The following NAV2 variants were observed in gnomAD, a reference collection of about 807,000 sequenced individuals.
NAV2 encodes the protein neuron navigator 2.
Under a neutral mutation model 223.2 loss-of-function variants are expected in NAV2, and 54 were observed. The observed-to-expected ratio is 0.24, with a 90% CI of 0.19 to 0.30. NAV2 has a LOEUF of 0.30. Among genes scored for constraint, NAV2 ranks in the 10% least tolerant of loss-of-function variants. The probability of loss-of-function intolerance (pLI) is 1.00; values close to 1 mark genes in which losing one functional copy is unlikely to be tolerated. For missense variants in NAV2, 2,806 were observed against 3,147.5 expected (o/e 0.89, Z 2.60); for synonymous variants, 1,279 against 1,239.3 (o/e 1.03, Z -0.67).
chr11:19,355,358 G>A (rs1590039756), intron 1 of NAV2, among the ~76,000 whole-genome samples: 3 of 151,598 alleles, frequency 2.0e-5, no homozygotes, highest in African/African-American at 7.3e-5. Flanking sequence ...GCTTCCTGGA[G>A]CCAGTTTTTA....
chr11:19,793,827 C>T lies in NAV2; in HGVS notation c.268-38657C>T, dbSNP rs189797222. 4.8e-3 allele frequency among the ~76,000 whole-genome samples: 726 copies of T among 152,318 alleles called. 5 individuals carry two copies. Among genetic ancestry groups the T allele is most frequent in the Middle Eastern group, 0.024 (7 of 294 alleles). Reference sequence around the variant, plus strand: ...AGTTTCTTGTTTTCTCAGCCACAGGCGCCCACCTCAGGGCCTTTGCCTTGG... The same window carrying T: ...AGTTTCTTGTTTTCTCAGCCACAGGTGCCCACCTCAGGGCCTTTGCCTTGG... On this transcript the variant is annotated intron_variant, in intron 1 of 37. Coordinates refer to ENST00000349880, the MANE Select transcript of NAV2 (RefSeq NM_145117.5).
At chr11:19,778,458 G>A (rs1441821348) in intron 1 of NAV2, 1 of 429,934 alleles carries the variant, frequency 2.3e-6, no homozygotes, top group Admixed American at 2.7e-5. Flanking sequence ...AAACTGGAAT[G>A]CATACTTACT....
intron 1 of NAV2, among the ~76,000 whole-genome samples, chr11:19,640,211 T>A (rs1173062936): frequency 6.6e-6 from 1 of 152,160 alleles, no homozygotes; most frequent in Non-Finnish European, 1.5e-5. Context: ...CAAGCAGAGC[T>A]ATTAATAATA....
chr11:19,705,746 A>T (rs2049643913), intron 1 of NAV2, among the ~76,000 whole-genome samples: 1 of 152,196 alleles, frequency 6.6e-6, no homozygotes, highest in Admixed American at 6.5e-5. Context: ...ATTTGGTAGC[A>T]TAGCAGGCTT....
At chr11:20,023,271 G>T in intron 11 of NAV2, 1 of 443,196 alleles carries the variant, frequency 2.3e-6, no homozygotes, top group Admixed American at 4.3e-5. Context: ...GCTATGTGGT[G>T]GTGTGTGAGT....
chr11:19,350,537 G>C (rs1853251232), upstream of NAV2, among the ~76,000 whole-genome samples: 1 of 152,218 alleles, frequency 6.6e-6, no homozygotes, highest in African/African-American at 2.4e-5. Context: ...CAGCTTGGTG[G>C]ATTAAATGCC....
intron 1 of NAV2, among the ~76,000 whole-genome samples, chr11:19,497,671 A>C (rs1304849866): frequency 2.6e-5 from 4 of 152,136 alleles, no homozygotes; most frequent in Non-Finnish European, 4.4e-5. Context: ...GGTGGGAGTG[A>C]ATAAATTTTG....
intron 1 of NAV2, among the ~76,000 whole-genome samples, chr11:19,464,261 C>T (rs986271775): frequency 6.6e-6 from 1 of 152,102 alleles, no homozygotes; most frequent in African/African-American, 2.4e-5. Flanking sequence ...TCTCCCTGAG[C>T]CAGAGCTCTG....
chr11:19,722,115 A>G (rs2050792085), intron 1 of NAV2, among the ~76,000 whole-genome samples: 1 of 152,242 alleles, frequency 6.6e-6, no homozygotes, highest in Non-Finnish European at 1.5e-5. Flanking sequence ...AATTTGTTTC[A>G]TGAGGTTTAA....
chr11:19,366,660 T>C (rs186054139), intron 1 of NAV2, among the ~76,000 whole-genome samples: 7 of 152,282 alleles, frequency 4.6e-5, no homozygotes, highest in African/African-American at 1.4e-4. Context: ...AGTGGAACCA[T>C]ATGCAAATCA....
chr11:20,092,172 C>T, intron 27 of NAV2, 34 bp from the exon 28 acceptor site: 1 of 1,592,648 alleles, frequency 6.3e-7, no homozygotes, highest in Non-Finnish European at 8.6e-7. Context: ...ATTACTTCTG[C>T]CTACTAAGGG....
intron 1 of NAV2, among the ~76,000 whole-genome samples, chr11:19,544,586 C>G (rs1227169765): frequency 6.6e-6 from 1 of 152,162 alleles, no homozygotes; most frequent in African/African-American, 2.4e-5. Context: ...TCTATGTTGA[C>G]AGCTTGGAGT....
intron 6 of NAV2, among the ~76,000 whole-genome samples, chr11:19,931,542 C>T (rs1185700082): frequency 2.0e-5 from 3 of 146,596 alleles, no homozygotes; most frequent in Non-Finnish European, 3.0e-5. Context: ...TCATAAAAAG[C>T]CGCTCTATAT....
At chr11:19,714,794 T>A (rs2050157682) in intron 1 of NAV2, among the ~76,000 whole-genome samples, 1 of 152,080 alleles carries the variant, frequency 6.6e-6, no homozygotes, top group South Asian at 2.1e-4. Flanking sequence ...GGCCGTGCAA[T>A]CTCTTTTACA....
intron 1 of NAV2, among the ~76,000 whole-genome samples, chr11:19,378,837 C>T (rs573682206): frequency 6.6e-6 from 1 of 152,104 alleles, no homozygotes; most frequent in Non-Finnish European, 1.5e-5. Context: ...CATGCACTGG[C>T]ACCCCGCTCT....
intron 1 of NAV2, among the ~76,000 whole-genome samples, chr11:19,644,613 G>A (rs563799143): frequency 1.2e-4 from 19 of 152,220 alleles, no homozygotes; most frequent in Non-Finnish European, 2.6e-4. Flanking sequence ...AGAAGACCAG[G>A]CTCTTGCTGA....
chr11:19,834,850 C>T (rs12577967), intron 2 of NAV2, among the ~76,000 whole-genome samples: 22,760 of 152,162 alleles, frequency 0.15, 1,841 homozygotes, highest in East Asian at 0.26. Context: ...GATATTCATG[C>T]TTGTTTTATC....
intron 8 of NAV2, among the ~76,000 whole-genome samples, chr11:19,940,659 C>G (rs528013535): frequency 6.6e-6 from 1 of 152,330 alleles, no homozygotes; most frequent in African/African-American, 2.4e-5. Context: ...CTGACTACAG[C>G]ATTTTAATAG....
chr11:20,015,420 G>A (rs965363676), intron 11 of NAV2, among the ~76,000 whole-genome samples: 1 of 152,150 alleles, frequency 6.6e-6, no homozygotes, highest in African/African-American at 2.4e-5. Context: ...CACCAAAATT[G>A]TCAACTTTCA....
Sources: allele counts gnomAD v4.1 joint callset (sites outside exome capture counted in the v4.1 genomes callset), GRCh38; gene constraint gnomAD v4.1.1; transcripts MANE v1.5; gene names NCBI Gene and HGNC (gene_info 2026-07-23, HGNC 2026-07-21).